The following DMXL1 variants were observed in gnomAD, a reference collection of about 807,000 sequenced individuals.
The protein encoded by DMXL1 is dmX-like protein 1.
A neutral mutation model predicts 319.2 loss-of-function variants in DMXL1; 99 were observed. The ratio of observed to expected loss-of-function variants is 0.31; its 90% CI spans 0.26 to 0.37. The LOEUF (loss-of-function observed/expected upper bound fraction) is 0.37, where lower values mean the gene tolerates loss of function less well. Among genes scored for constraint, DMXL1 ranks in the 10% least tolerant of loss-of-function variants. DMXL1 has a pLI of 1.00. For synonymous variants in DMXL1, 1,385 were observed against 1,235.2 expected, an observed-to-expected ratio of 1.12 and a Z score of -2.54; for missense variants, 3,745 against 3,595.6, an observed-to-expected ratio of 1.04 and a Z score of -1.06.
chr5:119,146,799 C>T, intron 15 of DMXL1, 38 bp from the exon 16 acceptor site: 2 of 1,567,572 alleles, frequency 1.3e-6, no homozygotes, highest in Middle Eastern at 1.7e-4. Flanking sequence ...GTCTCTTTTA[C>T]ACATAGTAAC....
chr5:119,105,016 C>A (rs1561588852), intron 3 of DMXL1, among the ~76,000 whole-genome samples, 164 bp from the exon 4 acceptor site: 1 of 152,170 alleles, frequency 6.6e-6, no homozygotes, highest in Non-Finnish European at 1.5e-5. Context: ...CTCTCACATA[C>A]CTTCTTTATC....
chr5:119,118,980 A>C lies in DMXL1; in HGVS notation c.909A>C (p.Lys303Asn). 1 of 1,612,354 alleles carries C rather than the reference A, an allele frequency of 6.2e-7. No individual in the cohort carries two copies. Among genetic ancestry groups the C allele is most frequent in the Non-Finnish European group, 8.5e-7 (1 of 1,179,428 alleles). Residue 303 changes from lysine to asparagine, a missense_variant, in exon 8 of 44, where the codon AAA becomes AAC. By Grantham distance (94) the Lys-to-Asn change is moderately conservative (BLOSUM62 0). Coordinates refer to ENST00000539542, the MANE Select transcript of DMXL1 (RefSeq NM_001290321.3). ...TNNFKRNASS[K>N]ERVQNALEVN... ...ACTTCAAGAGAAATGCTTCCAGTAA[A>C]GAACGAGTTCAAAATGCTTTAGAAG...
intron 41 of DMXL1, among the ~76,000 whole-genome samples, chr5:119,239,312 T>C (rs1037001996): frequency 3.3e-5 from 5 of 152,208 alleles, no homozygotes; most frequent in African/African-American, 9.6e-5. Context: ...ATTTCTGTTA[T>C]ATAACTGAGT....
At chr5:119,118,258 TC>T (rs1761275343) in intron 7 of DMXL1, among the ~76,000 whole-genome samples, 1 of 152,240 alleles carries the variant, frequency 6.6e-6, no homozygotes, top group African/African-American at 2.4e-5. Flanking sequence ...ATAAGTGTAC[TC>T]AGTAGTTACT....
intron 3 of DMXL1, 26 bp downstream of exon 3, chr5:119,102,032 T>C (rs370026765): frequency 1.1e-4 from 151 of 1,431,122 alleles, no homozygotes; most frequent in South Asian, 3.4e-4. Flanking sequence ...TTTCTTCTTT[T>C]AGGAATTGAA....
chr5:119,134,212 A>T (rs771452854), intron 12 of DMXL1, 34 bp downstream of exon 12: 1 of 1,605,800 alleles, frequency 6.2e-7, no homozygotes, highest in Non-Finnish European at 8.5e-7. Context: ...AGTAATTTAG[A>T]TTTGCTGACA....
chr5:119,109,606 G>GA (rs771298167), intron 4 of DMXL1, among the ~76,000 whole-genome samples: 2 of 152,118 alleles, frequency 1.3e-5, no homozygotes, highest in Admixed American at 6.5e-5. Context: ...GCATTCTTGG[G>GA]AAAATACATA....
Position 119,221,027 on chromosome 5 carries a change from T to G in DMXL1, c.8223T>G (p.Thr2741=), listed in dbSNP as rs1290391471. The stretch of plus-strand genomic sequence containing the variant: ...CATATACACATAGCAATCCTGGCAC[T>G]CCAATCAACATGCCATGGCTTGGTA... ...TTPYTHSNPG[T]PINMPWLGST... is the part of the protein sequence containing the mutation. The change falls in exon 37 of 44, where the codon ACT becomes ACG. Residue 2741 remains threonine (T), a synonymous_variant. Coordinates refer to ENST00000539542, the MANE Select transcript of DMXL1 (RefSeq NM_001290321.3). The G allele has an allele frequency of 2.5e-6, 4 of 1,613,702 alleles. No individual in the cohort carries two copies. The African/African-American group carries it at 5.3e-5, about 22-fold the overall frequency.
intron 16 of DMXL1, 131 bp from the exon 17 acceptor site, chr5:119,147,118 T>C: frequency 8.8e-7 from 1 of 1,130,298 alleles, no homozygotes; most frequent in Non-Finnish European, 1.3e-6. Context: ...ATTTTCTTTC[T>C]GTGAAGAATC....
intron 30 of DMXL1, among the ~76,000 whole-genome samples, chr5:119,195,375 A>C (rs1399797399): frequency 2.0e-5 from 3 of 152,236 alleles, no homozygotes; most frequent in Admixed American, 6.5e-5. Context: ...ATTACTAAAC[A>C]AAATGTGCTA....
intron 13 of DMXL1, among the ~76,000 whole-genome samples, chr5:119,134,765 C>A (rs1333959111): frequency 6.6e-6 from 1 of 152,162 alleles, no homozygotes; most frequent in Non-Finnish European, 1.5e-5. Context: ...AAAGAAAGAG[C>A]CCTTAGCTTG....
intron 1 of DMXL1, among the ~76,000 whole-genome samples, chr5:119,092,790 G>C (rs984246998): frequency 2.0e-5 from 3 of 152,160 alleles, no homozygotes; most frequent in Non-Finnish European, 2.9e-5. Flanking sequence ...AATAAAATAT[G>C]TGGTCTTTTG....
At chr5:119,090,758 G>A (rs2149741903) in intron 1 of DMXL1, among the ~76,000 whole-genome samples, 1 of 151,620 alleles carries the variant, frequency 6.6e-6, no homozygotes, top group South Asian at 2.1e-4. Flanking sequence ...GTAGAGACGG[G>A]GTTTCACCAT....
Position 119,133,899 on chromosome 5 carries a change from A to G in DMXL1, c.1975A>G (p.Asn659Asp), listed in dbSNP as rs1404934685. ...LPLLLTTSHHNALRTPDVDNP... is the reference protein window; with the variant it reads ...LPLLLTTSHHDALRTPDVDNP... Reference sequence around the variant, plus strand: ...ATTATTGCTGACAACATCACACCATAATGCATTAAGGACACCAGATGTTGA... The same window carrying G: ...ATTATTGCTGACAACATCACACCATGATGCATTAAGGACACCAGATGTTGA... Residue 659 changes from asparagine (N) to aspartate (D), a missense_variant, in exon 12 of 44, where the codon AAT becomes GAT. By Grantham distance (23) the Asn-to-Asp change is conservative (BLOSUM62 1). Coordinates refer to ENST00000539542, the MANE Select transcript of DMXL1 (RefSeq NM_001290321.3). 9 of 1,614,114 alleles carry G rather than the reference A, an allele frequency of 5.6e-6. No homozygotes were observed. The highest frequency in any genetic ancestry group is 6.8e-6 in the Non-Finnish European group (8 of 1,180,024).
Position 119,171,020 on chromosome 5 carries a change from T to G in DMXL1, c.6229T>G (p.Cys2077Gly). ...VIALQRTCDF[C>G]SDAEELQSAF... The stretch of plus-strand genomic sequence containing the variant: ...AGCTCTTCAGAGGACTTGTGACTTT[T>G]GCTCAGATGCTGAAGAACTACAGTC... Residue 2077 changes from cysteine to glycine, a missense_variant, in exon 24 of 44, where the codon TGC becomes GGC. Cys to Gly is a radical substitution (Grantham distance 159). Transcript: ENST00000539542. The G allele has an allele frequency of 1.2e-6, 2 of 1,613,920 alleles. No homozygotes were observed. Among genetic ancestry groups the G allele is most frequent in the South Asian group, 2.2e-5 (2 of 91,066 alleles).
intron 5 of DMXL1, 38 bp downstream of exon 5, chr5:119,110,321 T>C: frequency 6.8e-7 from 1 of 1,479,564 alleles, no homozygotes; most frequent in Non-Finnish European, 8.9e-7. Flanking sequence ...GATAAACCTG[T>C]TGTTCTATGT....
chr5:119,195,748 TA>T (rs1779501391), intron 30 of DMXL1, among the ~76,000 whole-genome samples: 1 of 152,168 alleles, frequency 6.6e-6, no homozygotes, highest in Admixed American at 6.5e-5. Flanking sequence ...ATTTTACCAT[TA>T]AAAAATTACT....
intron 1 of DMXL1, among the ~76,000 whole-genome samples, chr5:119,086,374 C>G (rs1753364661): frequency 6.6e-6 from 1 of 152,194 alleles, no homozygotes; most frequent in African/African-American, 2.4e-5. Context: ...GTTGAACCAT[C>G]CTTGGGTCCC....
chr5:119,190,787 A>G (rs1010309302), intron 29 of DMXL1, among the ~76,000 whole-genome samples: 1 of 152,224 alleles, frequency 6.6e-6, no homozygotes, highest in Non-Finnish European at 1.5e-5. Context: ...TGATAAAATG[A>G]TGAAGATGTT....
Sources: allele counts gnomAD v4.1 joint callset (sites outside exome capture counted in the v4.1 genomes callset), GRCh38; gene constraint gnomAD v4.1.1; transcripts MANE v1.5; gene names NCBI Gene and HGNC (gene_info 2026-07-23, HGNC 2026-07-21).